CCDC69: variants seen among roughly 807,000 people sequenced by gnomAD.
CCDC69 encodes coiled-coil domain containing 69, also known as coiled-coil domain-containing protein 69.
In CCDC69, 38 loss-of-function variants were observed where a neutral mutation model predicts 40.3. The ratio of observed to expected loss-of-function variants is 0.94; its 90% CI spans 0.73 to 1.24. The LOEUF (loss-of-function observed/expected upper bound fraction) is 1.24. Among genes scored for constraint, CCDC69 ranks in the 50% most tolerant of loss-of-function variants. CCDC69 has a pLI of 0.00. For missense variants in CCDC69, 389 were observed against 357.9 expected (o/e 1.09, Z -0.70); for synonymous variants, 141 against 138.9 (o/e 1.02, Z -0.11).
chr5:151,183,800 C>G (rs1031629771), intron 8 of CCDC69, among the ~76,000 whole-genome samples, 186 bp from the exon 9 acceptor site: 1 of 152,240 alleles, frequency 6.6e-6, no homozygotes, highest in African/African-American at 2.4e-5. Flanking sequence ...GCCTCACAGA[C>G]AGGCAGGCAG....
intron 4 of CCDC69, among the ~76,000 whole-genome samples, chr5:151,190,710 A>T (rs1014850075): frequency 6.6e-6 from 1 of 151,350 alleles, no homozygotes; most frequent in African/African-American, 2.4e-5. Flanking sequence ...ATTGTTAAGT[A>T]TATTGTAATT....
intron 4 of CCDC69, among the ~76,000 whole-genome samples, chr5:151,189,865 G>A (rs147810044): frequency 0.023 from 3,507 of 152,278 alleles, 62 homozygotes; most frequent in Middle Eastern, 0.071. Flanking sequence ...ATAATGTTGG[G>A]TTGAGGTCTA....
chr5:151,187,769 C>A (rs534403908), intron 4 of CCDC69, among the ~76,000 whole-genome samples: 1 of 152,208 alleles, frequency 6.6e-6, no homozygotes, highest in African/African-American at 2.4e-5. Context: ...GCATGTTCAC[C>A]TAAGACCACC....
chr5:151,214,746 G>A (rs566593612), intron 1 of CCDC69, among the ~76,000 whole-genome samples: 7 of 152,218 alleles, frequency 4.6e-5, no homozygotes, highest in East Asian at 1.9e-4. Context: ...AGTCAGGGGC[G>A]GATGTGGTCT....
At chr5:151,192,655 A>G (rs1752630014) in intron 4 of CCDC69, among the ~76,000 whole-genome samples, 1 of 152,260 alleles carries the variant, frequency 6.6e-6, no homozygotes, top group South Asian at 2.1e-4. Context: ...ATGAGGGGAC[A>G]TTACTACATG....
Position 151,184,361 on chromosome 5 carries a change from G to A in CCDC69, c.696C>T (p.Asn232=), listed in dbSNP as rs775528437. Residue 232 remains asparagine (N), a synonymous_variant, in exon 8 of 9, where the codon AAC becomes AAT. Coordinates refer to ENST00000355417, the MANE Select transcript of CCDC69 (RefSeq NM_015621.3). ...ACAGCTACCTTGACAGGACCACCTGGTTGCGGCTTCGGACATGGAGGTCCT... is the reference window on the plus strand; with the variant it reads ...ACAGCTACCTTGACAGGACCACCTGATTGCGGCTTCGGACATGGAGGTCCT... ...ENEDLHVRSR[N]QVVLSRQLSE... is the part of the protein sequence containing the mutation. 5.6e-6 allele frequency: 9 copies of A among 1,613,934 alleles called. No individual in the cohort carries two copies. The highest frequency in any genetic ancestry group is 7.6e-6 in the Non-Finnish European group (9 of 1,179,894).
chr5:151,202,574 C>T (rs1209310618), intron 2 of CCDC69, among the ~76,000 whole-genome samples: 1 of 152,188 alleles, frequency 6.6e-6, no homozygotes, highest in Non-Finnish European at 1.5e-5. Context: ...TCTTCACCTC[C>T]TGCTGTTATT....
intron 4 of CCDC69, among the ~76,000 whole-genome samples, chr5:151,196,140 C>T (rs78700763): frequency 1.3e-5 from 2 of 152,040 alleles, no homozygotes; most frequent in Non-Finnish European, 2.9e-5. Context: ...ATAATCACAA[C>T]CATGTGTTTT....
intron 1 of CCDC69, among the ~76,000 whole-genome samples, chr5:151,207,527 A>G (rs1026344769): frequency 4.2e-5 from 6 of 144,482 alleles, no homozygotes; most frequent in African/African-American, 1.5e-4. Flanking sequence ...TCCTGACCTC[A>G]TGATCCACCC....
intron 1 of CCDC69, among the ~76,000 whole-genome samples, chr5:151,207,403 T>C (rs949959966): frequency 6.6e-6 from 1 of 152,026 alleles, no homozygotes; most frequent in South Asian, 2.1e-4. Flanking sequence ...GCCATTCTCC[T>C]GCCTCAGCCT....
At chr5:151,215,530 A>G in intron 1 of CCDC69, 2 of 287,640 alleles carry the variant, frequency 7.0e-6, no homozygotes, top group Non-Finnish European at 1.5e-5. Flanking sequence ...TGACACACTC[A>G]GCTGTTAGCT....
chr5:151,198,876 A>G (rs937377914), intron 4 of CCDC69, 121 bp downstream of exon 4: 3 of 762,682 alleles, frequency 3.9e-6, no homozygotes, highest in Admixed American at 1.9e-5. Context: ...GATTTGAGTC[A>G]ATTGCTTGTG....
At chr5:151,184,735 G>GTTTTCCTCC in intron 7 of CCDC69, 1 of 259,156 alleles carries the variant, frequency 3.9e-6, no homozygotes, top group Non-Finnish European at 7.5e-6. Context: ...AGAAGGATAT[G>GTTTTCCTCC]ATCTATATAA....
rs745981519 is a variant in CCDC69, at chr5:151,201,629, T to C, written c.184A>G (p.Arg62Gly). Residue 62 changes from arginine (R) to glycine (G), a missense_variant, in exon 3 of 9, where the codon AGA (arginine) becomes GGA (glycine). By Grantham distance (125) the Arg-to-Gly change is moderately radical. Coordinates refer to ENST00000355417, the MANE Select transcript of CCDC69 (RefSeq NM_015621.3). The part of the protein sequence containing the change: ...EAERHQKDIT[R>G]ILQQHEEEKK... ...TCCTCCTCATGTTGCTGGAGAATTC[T>C]GGTTATATCCTTCTGGTGCCGCTCA... 5.0e-6 allele frequency: 8 copies of C among 1,613,574 alleles called. No homozygotes were observed. The highest frequency in any genetic ancestry group is 5.9e-6 in the Non-Finnish European group (7 of 1,179,820).
chr5:151,212,081 G>A (rs1341242479), intron 1 of CCDC69: 1 of 151,336 alleles, frequency 6.6e-6, no homozygotes, highest in African/African-American at 2.4e-5. Flanking sequence ...GGGGAGCATA[G>A]GGCTGGGGTG....
intron 4 of CCDC69, among the ~76,000 whole-genome samples, chr5:151,194,209 C>A (rs57099792): frequency 6.6e-6 from 1 of 152,226 alleles, no homozygotes; most frequent in African/African-American, 2.4e-5. Flanking sequence ...GTGTATTCAC[C>A]CAAGATAAAT....
chr5:151,214,600 A>C (rs1328502217), intron 1 of CCDC69, among the ~76,000 whole-genome samples: 4 of 152,158 alleles, frequency 2.6e-5, no homozygotes, highest in Admixed American at 2.0e-4. Flanking sequence ...TGTGGTCAAC[A>C]TTTCCTCACT....
Position 151,185,522 on chromosome 5 carries a change from T to A in CCDC69, c.515A>T (p.Gln172Leu), listed in dbSNP as rs1582038028. The A allele has an allele frequency of 1.9e-6, 3 of 1,613,934 alleles. No homozygotes were observed. In the East Asian group the frequency reaches 6.7e-5, roughly 36 times the overall value. ...GCTCTCCAGCTCCTGCTCCCAGAAC[T>A]GGCTGGGGCTCCCATAATCCTAGAC... ...KHIQDYGSPSQFWEQELESLH... is the reference protein window; with the variant it reads ...KHIQDYGSPSLFWEQELESLH... The change falls in exon 7 of 9, where the codon CAG (glutamine) becomes CTG (leucine). Residue 172 changes from glutamine (Q) to leucine (L), a missense_variant. Coordinates refer to ENST00000355417, the MANE Select transcript of CCDC69 (RefSeq NM_015621.3).
chr5:151,201,139 G>A (rs402770), intron 3 of CCDC69, among the ~76,000 whole-genome samples: 1 of 152,026 alleles, frequency 6.6e-6, no homozygotes, highest in Non-Finnish European at 1.5e-5. Context: ...CAGGCTGATA[G>A]AGCGGCCATT....
Sources: gnomAD v4.1 joint callset for allele counts (sites outside exome capture counted in the v4.1 genomes callset) on GRCh38, gnomAD v4.1.1 for gene constraint, MANE v1.5 for transcripts, NCBI Gene and HGNC (gene_info 2026-07-23, HGNC 2026-07-21) for gene names.